The following CAST variants were observed in gnomAD, a reference collection of about 807,000 sequenced individuals.
The protein encoded by CAST is MIR583 host.
Under a neutral mutation model 119.6 loss-of-function variants are expected in CAST, and 76 were observed. The ratio of observed to expected loss-of-function variants is 0.64; its 90% confidence interval spans 0.53 to 0.77. CAST has a LOEUF of 0.77. Ranked by LOEUF, CAST falls within the 30% of genes least tolerant of loss-of-function variation. CAST has a pLI of 0.00. For synonymous variants in CAST, 319 were observed against 331.6 expected (o/e 0.96, Z 0.41); for missense variants, 953 against 946.5 (o/e 1.01, Z -0.09).
chr5:96,409,458 C>T, the CAST span, among the ~76,000 whole-genome samples: 3 of 152,254 alleles, frequency 2.0e-5, no homozygotes, highest in South Asian at 2.1e-4. Context: ...AAAAGGTTTG[C>T]GTAAGAAAAA....
intron 1 of CAST, among the ~76,000 whole-genome samples, chr5:96,534,743 A>AAAGAGAAAG (rs1745759326): frequency 3.5e-5 from 2 of 56,554 alleles, no homozygotes; most frequent in East Asian, 8.6e-4. Flanking sequence ...GAGAGAGAGA[A>AAAGAGAAAG]AGAAAGAAAG....
chr5:96,401,225 A>C, the CAST span, among the ~76,000 whole-genome samples: 1 of 152,212 alleles, frequency 6.6e-6, no homozygotes, highest in Non-Finnish European at 1.5e-5. Context: ...TTTCCATGGA[A>C]TAGAAAGATC....
chr5:96,320,363 G>A, the CAST span, among the ~76,000 whole-genome samples: 6 of 148,974 alleles, frequency 4.0e-5, no homozygotes, highest in East Asian at 2.1e-4. Context: ...TAAGCCTCCC[G>A]AGTAGCTGGG....
the CAST span, among the ~76,000 whole-genome samples, chr5:96,469,893 C>T: frequency 2.5e-5 from 3 of 121,104 alleles, no homozygotes; most frequent in Non-Finnish European, 3.6e-5. Flanking sequence ...TATATATACA[C>T]ACACATATAT....
At chr5:96,203,014 A>G in the CAST span, among the ~76,000 whole-genome samples, 1 of 152,074 alleles carries the variant, frequency 6.6e-6, no homozygotes, top group African/African-American at 2.4e-5. Flanking sequence ...AAGATTACTC[A>G]CAGTTCCCAC....
chr5:96,398,157 A>G, the CAST span, among the ~76,000 whole-genome samples: 1 of 152,210 alleles, frequency 6.6e-6, no homozygotes, highest in African/African-American at 2.4e-5. Context: ...TCTAGAAAGC[A>G]TAACTTCAAA....
At chr5:96,202,163 A>C in the CAST span, among the ~76,000 whole-genome samples, 8,189 of 152,032 alleles carry the variant, frequency 0.054, 767 homozygotes, top group African/African-American at 0.19. Flanking sequence ...CTTTATCTTG[A>C]ATATTAGATG....
At chr5:96,147,515 A>G in the CAST span, among the ~76,000 whole-genome samples, 1 of 152,176 alleles carries the variant, frequency 6.6e-6, no homozygotes, top group Non-Finnish European at 1.5e-5. Flanking sequence ...AGGCAGGAGA[A>G]TGGCGTGAAC....
In CAST at chr5:96,722,649, C is replaced by T. The variant is rs766189847; in HGVS notation, c.221C>T (p.Ser74Phe). 1 of 1,612,746 alleles carries T rather than the reference C, an allele frequency of 6.2e-7. No individual in the cohort carries two copies. The highest frequency in any genetic ancestry group is 1.7e-5 in the Admixed American group (1 of 60,020). The change falls in exon 4 of 32, where the codon TCC (serine) becomes TTC (phenylalanine). Residue 74 changes from serine to phenylalanine, a missense_variant. By Grantham distance (155) the Ser-to-Phe change is radical. Transcript: ENST00000675179. ...TTCTTTCCTTTCTAGGTGTCAGCTT[C>T]CTCTGGTGCAACCAGCAAGTCTTCC... ...GTASATKVSA[S>F]SGATSKSSSM...
the CAST span, among the ~76,000 whole-genome samples, chr5:96,304,583 G>A: frequency 6.6e-6 from 1 of 152,174 alleles, no homozygotes; most frequent in Admixed American, 6.5e-5. Flanking sequence ...ATGGTTTTAG[G>A]TCTTACATTT....
the CAST span, among the ~76,000 whole-genome samples, chr5:96,383,510 A>G: frequency 2.0e-5 from 3 of 152,154 alleles, no homozygotes; most frequent in Non-Finnish European, 4.4e-5. Context: ...GCAATGGCAC[A>G]ATTTCGGCTC....
At chr5:96,268,859 C>T in the CAST span, among the ~76,000 whole-genome samples, 1 of 152,168 alleles carries the variant, frequency 6.6e-6, no homozygotes. Flanking sequence ...TTGTAATCCC[C>T]ATGTGTAGGG....
At chr5:96,228,959 A>G in the CAST span, among the ~76,000 whole-genome samples, 4 of 152,122 alleles carry the variant, frequency 2.6e-5, no homozygotes, top group Admixed American at 1.3e-4. Context: ...GGATTTACCA[A>G]TTATTTTTGT....
At chr5:96,374,424 T>A in the CAST span, among the ~76,000 whole-genome samples, 1 of 151,902 alleles carries the variant, frequency 6.6e-6, no homozygotes, top group Non-Finnish European at 1.5e-5. Flanking sequence ...ATAGAGGAGG[T>A]GTAATGGAAA....
At chr5:96,389,757 G>A in the CAST span, among the ~76,000 whole-genome samples, 7 of 152,156 alleles carry the variant, frequency 4.6e-5, no homozygotes, top group Non-Finnish European at 8.8e-5. Flanking sequence ...GCAACATGAC[G>A]AAACCTGTCC....
chr5:96,605,297 T>C (rs1266098256), intron 1 of CAST, among the ~76,000 whole-genome samples: 1 of 152,210 alleles, frequency 6.6e-6, no homozygotes, highest in Non-Finnish European at 1.5e-5. Context: ...GCATACTGTA[T>C]ACTGCCTGCT....
chr5:96,104,232 A>G, the CAST span, among the ~76,000 whole-genome samples: 9 of 152,096 alleles, frequency 5.9e-5, no homozygotes, highest in African/African-American at 2.2e-4. Flanking sequence ...GAAGCTCTTT[A>G]GTTTAATTAC....
intron 3 of CAST, among the ~76,000 whole-genome samples, chr5:96,700,059 A>G (rs567902340): frequency 6.6e-6 from 1 of 152,158 alleles, no homozygotes; most frequent in Admixed American, 6.5e-5. Flanking sequence ...CTCTCTTCCC[A>G]GGTTCTTACT....
chr5:96,028,857 T>A, the CAST span, among the ~76,000 whole-genome samples: 1 of 152,080 alleles, frequency 6.6e-6, no homozygotes, highest in Non-Finnish European at 1.5e-5. Context: ...AAACTTCAAT[T>A]TTGGACTCTG....
Sources: allele counts gnomAD v4.1 joint callset (sites outside exome capture counted in the v4.1 genomes callset), GRCh38; gene constraint gnomAD v4.1.1; transcripts MANE v1.5; gene names NCBI Gene and HGNC (gene_info 2026-07-23, HGNC 2026-07-21).